The following DDIAS variants were observed in gnomAD, a reference collection of about 807,000 sequenced individuals.
The protein encoded by DDIAS is DNA damage-induced apoptosis suppressor protein.
DDIAS carries 14 observed loss-of-function variants against 15.7 expected under a neutral mutation model. That is an observed-to-expected ratio of 0.89 (90% CI 0.59 to 1.39). The LOEUF (loss-of-function observed/expected upper bound fraction) is 1.39, where lower values mean the gene tolerates loss of function less well. DDIAS is among the 40% of genes most tolerant of loss of function. The pLI is 0.00. For missense variants in DDIAS, 1,035 were observed against 1,130.9 expected, an observed-to-expected ratio of 0.92 and a Z score of 1.22; for synonymous variants, 355 against 395.9, an observed-to-expected ratio of 0.90 and a Z score of 1.23.
At chr11:82,927,744 A>G (rs1356126689) in intron 3 of DDIAS, among the ~76,000 whole-genome samples, 3 of 152,262 alleles carry the variant, frequency 2.0e-5, no homozygotes, top group African/African-American at 4.8e-5. Flanking sequence ...AAACTAGAAG[A>G]GAAGTTAACA....
At chr11:82,916,659 C>T (rs554096467) in intron 3 of DDIAS, among the ~76,000 whole-genome samples, 4 of 152,208 alleles carry the variant, frequency 2.6e-5, no homozygotes, top group South Asian at 2.1e-4. Flanking sequence ...CTTATTTAGA[C>T]GGGTAATACC....
Position 82,933,560 on chromosome 11 carries a change from A to T in DDIAS, c.2222A>T (p.Asp741Val), listed in dbSNP as rs1861049157. ...SQKLSLQSLSDSRHSRTCSPT... is the reference protein window; with the variant it reads ...SQKLSLQSLSVSRHSRTCSPT... ...AAATTATCCTTGCAAAGCCTATCTG[A>T]CTCTAGGCATTCAAGAACATGCTCT... The change falls in exon 6 of 6, where the codon GAC becomes GTC. Residue 741 changes from aspartate (D) to valine (V), a missense_variant. Coordinates refer to ENST00000533655, the MANE Select transcript of DDIAS (RefSeq NM_145018.4). The T allele has an allele frequency of 6.2e-7, 1 of 1,613,902 alleles. No homozygotes were observed. Among genetic ancestry groups the T allele is most frequent in the Non-Finnish European group, 8.5e-7 (1 of 1,179,982 alleles).
intron 3 of DDIAS, among the ~76,000 whole-genome samples, chr11:82,920,756 A>G (rs539379048): frequency 4.7e-4 from 71 of 151,940 alleles, no homozygotes; most frequent in Non-Finnish European, 7.8e-4. Context: ...TATGATTTCA[A>G]TTTTCTTAAA....
chr11:82,915,039 C>T (rs974606746), intron 3 of DDIAS, among the ~76,000 whole-genome samples, 188 bp downstream of exon 3: 1 of 152,206 alleles, frequency 6.6e-6, no homozygotes, highest in Non-Finnish European at 1.5e-5. Flanking sequence ...TTTTAAGTTA[C>T]TGTCAAGTCC....
chr11:82,925,023 A>G (rs1191153955), intron 3 of DDIAS, among the ~76,000 whole-genome samples: 2 of 152,204 alleles, frequency 1.3e-5, no homozygotes, highest in Non-Finnish European at 2.9e-5. Context: ...GGAGTTTCCC[A>G]GAGGCTACAT....
At chr11:82,928,985 GA>G (rs1565250034) in intron 4 of DDIAS, 47 bp downstream of exon 4, 1 of 1,565,286 alleles carries the variant, frequency 6.4e-7, no homozygotes, top group Non-Finnish European at 8.6e-7. Flanking sequence ...CTTAGAATTT[GA>G]AGATACAAGT....
chr11:82,923,317 T>G (rs1268111583), intron 3 of DDIAS, among the ~76,000 whole-genome samples: 1 of 152,244 alleles, frequency 6.6e-6, no homozygotes, highest in Non-Finnish European at 1.5e-5. Context: ...TCCCTTTTTC[T>G]TACTTGGAAT....
intron 1 of DDIAS, among the ~76,000 whole-genome samples, chr11:82,910,852 A>C (rs1860520113): frequency 6.6e-6 from 1 of 151,952 alleles, no homozygotes; most frequent in African/African-American, 2.4e-5. Context: ...AAGAAAGTAT[A>C]AAGAGGAGAA....
chr11:82,916,698 T>A (rs1860638760), intron 3 of DDIAS, among the ~76,000 whole-genome samples: 1 of 152,236 alleles, frequency 6.6e-6, no homozygotes, highest in Admixed American at 6.5e-5. Flanking sequence ...GTGTTTGCTG[T>A]ACAGTAGGCA....
In DDIAS at chr11:82,933,890, A is replaced by T; in HGVS notation, c.2552A>T (p.Tyr851Phe). 1 of 1,613,918 alleles carries T rather than the reference A, an allele frequency of 6.2e-7. No homozygotes were observed. The highest frequency in any genetic ancestry group is 8.5e-7 in the Non-Finnish European group (1 of 1,179,994). The change falls in exon 6 of 6, where the codon TAC (tyrosine) becomes TTC (phenylalanine). Residue 851 changes from tyrosine to phenylalanine, a missense_variant. By Grantham distance (22) the Tyr-to-Phe change is conservative. Transcript: ENST00000533655. ...TCACAACCAGACGTTTTCAATCACT[A>T]CCCTTTTGCTGAGTGCCATGAAACT... is the stretch of plus-strand genomic sequence containing the variant. ...GVSQPDVFNHYPFAECHETDS... is the reference protein window; with the variant it reads ...GVSQPDVFNHFPFAECHETDS...
chr11:82,932,583 TCTGCCATTCTCTGAAAG>T lies in DDIAS; in HGVS notation c.1247_1263del (p.Leu416ProfsTer9). 6.2e-7 allele frequency: 1 copy of T among 1,614,206 alleles called. No individual in the cohort carries two copies. The highest frequency in any genetic ancestry group is 8.5e-7 in the Non-Finnish European group (1 of 1,180,026). On this transcript the variant is annotated frameshift_variant, in exon 6 of 6. Coordinates refer to ENST00000533655, the MANE Select transcript of DDIAS (RefSeq NM_145018.4). LOFTEE classifies it low-confidence loss of function (END_TRUNC). ...ATGGTGACCCTCAAATTTGGGATGA[TCTGCCATTCTCTGAAAG>T]CCTGAACAAGTTTCTGGCAGTTCTT...
intron 4 of DDIAS, among the ~76,000 whole-genome samples, chr11:82,929,432 G>A (rs570356114): frequency 5.9e-5 from 9 of 152,176 alleles, no homozygotes; most frequent in African/African-American, 1.7e-4. Context: ...GGCCGGGCGC[G>A]GTAGCTCACG....
At chr11:82,922,617 T>C (rs1227579198) in intron 3 of DDIAS, 1 of 152,240 alleles carries the variant, frequency 6.6e-6, no homozygotes, top group African/African-American at 2.4e-5. Flanking sequence ...ACTTCTCGTA[T>C]TGTTTTTTGG....
chr11:82,926,380 C>T (rs1057111094), intron 3 of DDIAS, among the ~76,000 whole-genome samples: 9 of 152,050 alleles, frequency 5.9e-5, no homozygotes, highest in Non-Finnish European at 1.2e-4. Flanking sequence ...TGAGCCATCA[C>T]GCCTGGCCCA....
intron 3 of DDIAS, among the ~76,000 whole-genome samples, chr11:82,926,456 A>G (rs995933072): frequency 2.6e-5 from 4 of 152,222 alleles, no homozygotes; most frequent in African/African-American, 7.2e-5. Flanking sequence ...GATATTCTCA[A>G]TAATTTTTTA....
intron 1 of DDIAS, among the ~76,000 whole-genome samples, chr11:82,902,188 A>G (rs759042701): frequency 2.0e-4 from 30 of 152,314 alleles, no homozygotes; most frequent in Middle Eastern, 3.4e-3. Context: ...GGGATCTTCC[A>G]AAATGCTATG....
intron 3 of DDIAS, among the ~76,000 whole-genome samples, chr11:82,920,139 C>A (rs1860715470): frequency 6.6e-6 from 1 of 151,998 alleles, no homozygotes. Flanking sequence ...AGGAATTTAT[C>A]CATCTCTTCT....
At chr11:82,929,469 C>T (rs1860938191) in intron 4 of DDIAS, among the ~76,000 whole-genome samples, 1 of 152,070 alleles carries the variant, frequency 6.6e-6, no homozygotes, top group African/African-American at 2.4e-5. Flanking sequence ...TTTGGGAGGC[C>T]GAGGCGGGCG....
rs140789882 is a variant in DDIAS at position 82,907,871 on chromosome 11, T to G, written c.-116-5416T>G. Among the ~76,000 whole-genome samples the G allele has an allele frequency of 1.2e-4, 18 of 152,292 alleles. No homozygotes were observed. In the East Asian group the frequency reaches 3.1e-3, roughly 26 times the overall value. On this transcript the variant is annotated intron_variant, in intron 1 of 5. Transcript: ENST00000533655. ...CAATAAATATTTATTGTGAACTTACTGTGTACTGAGCACTGTTCTAAGCAC... is the reference window on the plus strand; with the variant it reads ...CAATAAATATTTATTGTGAACTTACGGTGTACTGAGCACTGTTCTAAGCAC...
Sources: allele counts gnomAD v4.1 joint callset (sites outside exome capture counted in the v4.1 genomes callset), GRCh38; gene constraint gnomAD v4.1.1; transcripts MANE v1.5; gene names NCBI Gene and HGNC (gene_info 2026-07-23, HGNC 2026-07-21).